COL27A1: variants seen among roughly 807,000 people sequenced by gnomAD.
COL27A1 encodes collagen alpha-1(XXVII) chain.
COL27A1 carries 106 observed loss-of-function variants against 251.3 expected under a neutral mutation model. The observed-to-expected ratio is 0.42, with a 90% CI of 0.36 to 0.50. The LOEUF is 0.50. COL27A1 is among the 20% of genes least tolerant of loss of function. COL27A1 has a pLI of 0.00. For synonymous variants in COL27A1, 1,000 were observed against 986.3 expected (o/e 1.01, Z -0.26); for missense variants, 2,325 against 2,522.8 (o/e 0.92, Z 1.68).
At chr9:114,255,795 G>C (rs991359023) in intron 27 of COL27A1, among the ~76,000 whole-genome samples, 8 of 152,202 alleles carry the variant, frequency 5.3e-5, no homozygotes, top group Non-Finnish European at 1.2e-4. Context: ...GGGGAAGCCG[G>C]CTAGCTCGGA....
At chr9:114,242,141 G>A (rs1407003390) in intron 21 of COL27A1, 46 bp from the exon 22 acceptor site, 4 of 1,530,614 alleles carry the variant, frequency 2.6e-6, no homozygotes, top group Non-Finnish European at 3.5e-6. Flanking sequence ...AAGTCCAACT[G>A]GATTAACTTT....
At position 114,306,606 on chromosome 9, in the gene COL27A1, C is replaced by A. The variant is rs763118517; in HGVS notation, c.5025C>A (p.Ser1675Arg). ...ACTACCTCAGCAACCTCATCCAGAGCATTAAGACGCCCCTGGGCACCAAAG... is the reference window on the plus strand; with the variant it reads ...ACTACCTCAGCAACCTCATCCAGAGAATTAAGACGCCCCTGGGCACCAAAG... The part of the protein sequence containing the change: ...TLHYLSNLIQ[S>R]IKTPLGTKEN... Residue 1675 changes from serine (S) to arginine (R), a missense_variant, in exon 58 of 61, where the codon AGC (serine) becomes AGA (arginine). Coordinates refer to ENST00000356083, the MANE Select transcript of COL27A1 (RefSeq NM_032888.4). 3.1e-6 allele frequency: 5 copies of A among 1,614,008 alleles called. No homozygotes were observed. In the Admixed American group the frequency reaches 6.7e-5, roughly 22 times the overall value.
chr9:114,158,458 G>A (rs1848270302), intron 1 of COL27A1, among the ~76,000 whole-genome samples: 1 of 152,216 alleles, frequency 6.6e-6, no homozygotes, highest in Non-Finnish European at 1.5e-5. Context: ...CCTCTTTGGA[G>A]GGCTGTGTGG....
In COL27A1 at chr9:114,205,770, A is replaced by G. The variant is rs755262175; in HGVS notation, c.2181A>G (p.Gly727=). ...CTGTTCCTTTGCAGGGGCAGCCAGG[A>G]CCTGAGGGCAGCCCAGGGGCCAAAG... ...AGHPGEQGQP[G]PEGSPGAKGY... is the part of the protein sequence containing the mutation. The change falls in exon 9 of 61, where the codon GGA becomes GGG. Residue 727 remains glycine, a synonymous_variant. Transcript: ENST00000356083. The G allele has an allele frequency of 6.2e-7, 1 of 1,613,978 alleles. No individual in the cohort carries two copies. The highest frequency in any genetic ancestry group is 8.5e-7 in the Non-Finnish European group (1 of 1,179,956).
chr9:114,249,388 G>A (rs1195385855), intron 24 of COL27A1, among the ~76,000 whole-genome samples: 4 of 152,166 alleles, frequency 2.6e-5, no homozygotes, highest in Non-Finnish European at 5.9e-5. Flanking sequence ...CCAGGGGCAG[G>A]TGCAGGATCC....
Position 114,310,974 on chromosome 9 carries a change from C to T in COL27A1, c.*279C>T. 2.9e-6 allele frequency: 1 copy of T among 349,010 alleles called. No homozygotes were observed. The highest frequency in any genetic ancestry group is 4.8e-5 in the East Asian group (1 of 20,882). The allele number at this position is 349,010 out of a possible 1,614,324, so 21.6% of individuals were successfully genotyped here. A position where few individuals can be genotyped will look rare whatever the true frequency, so the allele number is the denominator to read the frequency against. ...CTGCCTGAGCCCCGTGGCCTCTCAG[C>T]TCTGCGGCCACCCCGTTCCCTCCCC... On this transcript the variant is annotated 3_prime_UTR_variant, in exon 61 of 61. Coordinates refer to ENST00000356083, the MANE Select transcript of COL27A1 (RefSeq NM_032888.4).
intron 7 of COL27A1, among the ~76,000 whole-genome samples, chr9:114,197,952 A>G (rs927064936): frequency 6.6e-6 from 1 of 152,230 alleles, no homozygotes; most frequent in Non-Finnish European, 1.5e-5. Flanking sequence ...AACCACTGCC[A>G]TGGGCAATGT....
chr9:114,245,850 C>G lies in COL27A1; in HGVS notation c.2935-16C>G. The G allele has an allele frequency of 6.2e-7, 1 of 1,613,506 alleles. No individual in the cohort carries two copies. The highest frequency in any genetic ancestry group is 8.5e-7 in the Non-Finnish European group (1 of 1,179,606). On this transcript the variant is annotated splice_polypyrimidine_tract_variant and intron_variant, in intron 23 of 60. Coordinates refer to ENST00000356083, the MANE Select transcript of COL27A1 (RefSeq NM_032888.4). Reference sequence around the variant, plus strand: ...ATCTCCCATCCCAATCCATCCTCCTCTTTGTCTCTTTGCAGGGGGAACCAG... The same window carrying G: ...ATCTCCCATCCCAATCCATCCTCCTGTTTGTCTCTTTGCAGGGGGAACCAG...
intron 23 of COL27A1, 92 bp from the exon 24 acceptor site, chr9:114,245,774 T>C (rs532078253): frequency 4.5e-5 from 54 of 1,186,946 alleles, no homozygotes; most frequent in Non-Finnish European, 6.4e-5. Flanking sequence ...TCCCCACTAA[T>C]GGCAGCTAAG....
intron 39 of COL27A1, 99 bp downstream of exon 39, chr9:114,282,663 AC>A: frequency 2.7e-6 from 2 of 731,524 alleles, no homozygotes; most frequent in Non-Finnish European, 2.2e-6. Context: ...GTTATCACCC[AC>A]CCCAGCTATT....
Position 114,295,636 on chromosome 9 carries a change from T to C in COL27A1, c.4584+3426T>C, listed in dbSNP as rs956466639. 2.0e-5 allele frequency among the ~76,000 whole-genome samples: 3 copies of C among 152,114 alleles called. No homozygotes were observed. In the South Asian group the frequency reaches 6.2e-4, roughly 31 times the overall value. On this transcript the variant is annotated intron_variant, in intron 49 of 60. Coordinates refer to ENST00000356083, the MANE Select transcript of COL27A1 (RefSeq NM_032888.4). Reference sequence around the variant, plus strand: ...AAGGTCCAGACATATACCATACATATACGGACAACTGGTTTTTTTTTGTTT... The same window carrying C: ...AAGGTCCAGACATATACCATACATACACGGACAACTGGTTTTTTTTTGTTT...
intron 49 of COL27A1, among the ~76,000 whole-genome samples, chr9:114,294,901 T>C (rs1025894689): frequency 6.6e-5 from 10 of 152,252 alleles, no homozygotes; most frequent in African/African-American, 2.4e-5. Flanking sequence ...TTAAAACTTT[T>C]CATTTGTAGA....
chr9:114,262,453 A>T (rs570940928), intron 28 of COL27A1, among the ~76,000 whole-genome samples: 5 of 152,150 alleles, frequency 3.3e-5, no homozygotes, highest in Admixed American at 6.5e-5. Flanking sequence ...TGAGGAAGGG[A>T]CTGAGCCCAG....
At chr9:114,189,963 C>T (rs1311481707) in intron 5 of COL27A1, among the ~76,000 whole-genome samples, 1 of 152,182 alleles carries the variant, frequency 6.6e-6, no homozygotes, top group East Asian at 1.9e-4. Context: ...ATTGTTGTCT[C>T]ATTTTCCTCA....
chr9:114,300,724 G>A, intron 51 of COL27A1, 37 bp downstream of exon 51: 2 of 1,470,706 alleles, frequency 1.4e-6, no homozygotes, highest in Non-Finnish European at 1.8e-6. Flanking sequence ...AGAGATGATT[G>A]TCCTAGGCCC....
At position 114,290,713 on chromosome 9, in the gene COL27A1, C is replaced by G; in HGVS notation, c.4369-97C>G. 1 of 902,748 alleles carries G rather than the reference C, an allele frequency of 1.1e-6. No individual in the cohort carries two copies. The highest frequency in any genetic ancestry group is 1.7e-6 in the Non-Finnish European group (1 of 594,220). The allele number at this position is 902,748 out of a possible 1,614,324, so 55.9% of individuals were successfully genotyped here. ...CCATCCTGGAGTGTGACCCCTTCCT[C>G]CAGCTTCACCCAGGGTTTGCCCAGG... On this transcript the variant is annotated intron_variant, in intron 47 of 60. Coordinates refer to ENST00000356083, the MANE Select transcript of COL27A1 (RefSeq NM_032888.4). This position sits in a 1 kb window ranked among gnomAD's most constrained non-coding sequence, Gnocchi z 4.6.
At chr9:114,156,404 A>G (rs1271591316) in intron 1 of COL27A1, among the ~76,000 whole-genome samples, 1 of 151,100 alleles carries the variant, frequency 6.6e-6, no homozygotes, top group East Asian at 2.0e-4. Context: ...CAGTGTCTGC[A>G]GGTCCCAAGC....
intron 21 of COL27A1, among the ~76,000 whole-genome samples, chr9:114,240,810 T>C (rs894097734): frequency 3.9e-5 from 6 of 152,164 alleles, no homozygotes; most frequent in African/African-American, 7.2e-5. Flanking sequence ...AGGGCATTAA[T>C]GAGGGAGTAG....
In COL27A1 at chr9:114,306,553, C is replaced by G. The variant is rs778661695; in HGVS notation, c.4972C>G (p.Gln1658Glu). The part of the protein sequence containing the change: ...YSYPDRLVLD[Q>E]GGEIFKTLHY... ...CTATCCAGACCGGCTGGTGCTGGAC[C>G]AGGGAGGAGAGATCTTTAAAACCTT... The change falls in exon 58 of 61, where the codon CAG (glutamine) becomes GAG (glutamate). Residue 1658 changes from glutamine (Q) to glutamate (E), a missense_variant. By Grantham distance (29) the Gln-to-Glu change is conservative. Around this residue, in one of 4 missense-constraint regions of COL27A1, gnomAD observed 327 missense variants for 442.8 expected, o/e 0.74. Transcript: ENST00000356083. 1 of 1,613,994 alleles carries G rather than the reference C, an allele frequency of 6.2e-7. No individual in the cohort carries two copies.
Sources: allele counts gnomAD v4.1 joint callset (sites outside exome capture counted in the v4.1 genomes callset), GRCh38; gene constraint gnomAD v4.1.1; regional missense constraint gnomAD v4.1.1; non-coding constraint Gnocchi (gnomAD v3.1); transcripts MANE v1.5; gene names NCBI Gene and HGNC (gene_info 2026-07-23, HGNC 2026-07-21).